Variants in TLL1 observed in about 807,000 individuals in gnomAD.
The protein encoded by TLL1 is tolloid-like protein 1.
In TLL1, 49 loss-of-function variants were observed where a neutral mutation model predicts 128.2. The observed-to-expected ratio is 0.38, with a 90% CI of 0.30 to 0.48. The LOEUF (loss-of-function observed/expected upper bound fraction) is 0.48, where lower values mean the gene tolerates loss of function less well. Ranked by LOEUF, TLL1 falls within the 20% of genes least tolerant of loss-of-function variation. TLL1 has a pLI of 0.96. For missense variants in TLL1, 1,123 were observed against 1,242.0 expected (o/e 0.90, Z 1.44); for synonymous variants, 454 against 418.8 (o/e 1.08, Z -1.03).
chr4:165,978,201 G>T (rs2110991109), intron 1 of TLL1, among the ~76,000 whole-genome samples: 1 of 152,054 alleles, frequency 6.6e-6, no homozygotes, highest in South Asian at 2.1e-4. Flanking sequence ...AAAAAGCTCT[G>T]ATTTTTTTAT....
intron 1 of TLL1, among the ~76,000 whole-genome samples, chr4:165,890,811 C>G (rs969709509): frequency 6.6e-6 from 1 of 152,232 alleles, no homozygotes; most frequent in Non-Finnish European, 1.5e-5. Context: ...TCTCTTCTCA[C>G]AGTTCCACTA....
chr4:165,974,436 G>A (rs1302906433), intron 1 of TLL1, among the ~76,000 whole-genome samples: 1 of 151,936 alleles, frequency 6.6e-6, no homozygotes, highest in Non-Finnish European at 1.5e-5. Flanking sequence ...CACCGCGCCT[G>A]GCCTCATCTT....
chr4:165,966,468 A>G (rs973765593), intron 1 of TLL1, among the ~76,000 whole-genome samples: 2 of 152,160 alleles, frequency 1.3e-5, no homozygotes, highest in Non-Finnish European at 2.9e-5. Context: ...TAACTTTCCA[A>G]TTAATTCTAA....
At chr4:166,030,981 A>G (rs1260734314) in intron 9 of TLL1, 1 of 967,192 alleles carries the variant, frequency 1.0e-6, no homozygotes, top group East Asian at 1.1e-4. Flanking sequence ...AACATTTTTA[A>G]TGTACGATTT....
intron 1 of TLL1, among the ~76,000 whole-genome samples, chr4:165,959,911 C>G (rs1014181588): frequency 6.6e-6 from 1 of 151,982 alleles, no homozygotes; most frequent in East Asian, 1.9e-4. Flanking sequence ...AATTAATGAT[C>G]AAATATCACA....
At chr4:166,047,010 G>A (rs1739486199) in intron 12 of TLL1, among the ~76,000 whole-genome samples, 1 of 151,834 alleles carries the variant, frequency 6.6e-6, no homozygotes, top group Non-Finnish European at 1.5e-5. Flanking sequence ...TTCAATATGG[G>A]TATTATACAT....
intron 1 of TLL1, among the ~76,000 whole-genome samples, chr4:165,968,960 T>G (rs939974063): frequency 3.3e-5 from 5 of 152,276 alleles, no homozygotes; most frequent in Admixed American, 3.3e-4. Flanking sequence ...TGTTAAGCCT[T>G]GTAGAACCTG....
intron 19 of TLL1, 35 bp from the exon 20 acceptor site, chr4:166,099,242 T>C (rs1432197689): frequency 1.2e-6 from 2 of 1,613,186 alleles, no homozygotes; most frequent in Admixed American, 1.7e-5. Flanking sequence ...TAAAGCTCAT[T>C]GACCTTACTC....
intron 19 of TLL1, among the ~76,000 whole-genome samples, chr4:166,098,268 G>A (rs553316824): frequency 8.5e-4 from 127 of 148,796 alleles, no homozygotes; most frequent in African/African-American, 3.0e-3. Flanking sequence ...CTGGGAGGCA[G>A]AGGTTGCAGA....
chr4:165,964,593 G>A (rs193270172), intron 1 of TLL1, among the ~76,000 whole-genome samples: 9 of 152,214 alleles, frequency 5.9e-5, no homozygotes, highest in Admixed American at 4.6e-4. Context: ...TCCTACCTCC[G>A]AGGGTTGTTG....
rs770570929 is a variant in TLL1, at chr4:166,043,403, C to A, written c.1508C>A (p.Thr503Asn). 5 of 1,614,092 alleles carry A rather than the reference C, an allele frequency of 3.1e-6. No individual in the cohort carries two copies. Among genetic ancestry groups the A allele is most frequent in the Non-Finnish European group, 4.2e-6 (5 of 1,179,956 alleles). The change falls in exon 12 of 21, where the codon ACC (threonine) becomes AAC (asparagine). Residue 503 changes from threonine to asparagine, a missense_variant. Physicochemically the swap from Thr to Asn is moderately conservative, Grantham distance 65. Coordinates refer to ENST00000061240, the MANE Select transcript of TLL1 (RefSeq NM_012464.5). The part of the protein sequence containing the change: ...TVSESYHVGL[T>N]FQSFEIERHD... Reference sequence around the variant, plus strand: ...TCTGAGAGCTACCACGTCGGGCTGACCTTTCAGTCCTTTGAGGTAAAGTCT... The same window carrying A: ...TCTGAGAGCTACCACGTCGGGCTGAACTTTCAGTCCTTTGAGGTAAAGTCT...
intron 1 of TLL1, among the ~76,000 whole-genome samples, chr4:165,934,826 C>T (rs1370659003): frequency 6.6e-6 from 1 of 152,140 alleles, no homozygotes; most frequent in Non-Finnish European, 1.5e-5. Context: ...AAAAAGATAA[C>T]TGTACTATTT....
intron 1 of TLL1, among the ~76,000 whole-genome samples, chr4:165,954,071 A>G (rs17505521): frequency 1.9e-3 from 290 of 152,178 alleles, no homozygotes; most frequent in Non-Finnish European, 3.3e-3. Context: ...TACTTTTATT[A>G]TGTCTTTTTT....
chr4:165,883,831 G>A (rs1177068723), intron 1 of TLL1, among the ~76,000 whole-genome samples: 2 of 152,118 alleles, frequency 1.3e-5, no homozygotes, highest in African/African-American at 2.4e-5. Flanking sequence ...AGAGGCAACC[G>A]ATAGAAACAT....
chr4:166,060,293 T>C lies in TLL1; in HGVS notation c.2007+105T>C, dbSNP rs1157316443. ...AGATGTAGTAAAATAGTATAGACAT[T>C]GTATTCTTTCTTTGTCTTACTGCTC... On this transcript the variant is annotated intron_variant, in intron 15 of 20. Coordinates refer to ENST00000061240, the MANE Select transcript of TLL1 (RefSeq NM_012464.5). 3.2e-6 allele frequency: 4 copies of C among 1,266,202 alleles called. No individual in the cohort carries two copies. In the South Asian group the frequency reaches 5.2e-5, roughly 17 times the overall value. 78.4% of individuals were successfully genotyped at this position (1,266,202 alleles called of 1,614,324 possible).
At chr4:165,916,889 T>C (rs565748655) in intron 1 of TLL1, among the ~76,000 whole-genome samples, 2 of 152,116 alleles carry the variant, frequency 1.3e-5, no homozygotes, top group African/African-American at 4.8e-5. Flanking sequence ...ATAGTATTAT[T>C]AATGATGAAA....
chr4:165,875,223 T>C (rs1730672307), intron 1 of TLL1, among the ~76,000 whole-genome samples: 1 of 152,176 alleles, frequency 6.6e-6, no homozygotes, highest in Non-Finnish European at 1.5e-5. Flanking sequence ...GCGGGGTTGC[T>C]CTGTGACTAG....
At chr4:166,057,963 A>G (rs189826678) in intron 14 of TLL1, among the ~76,000 whole-genome samples, 14 of 152,298 alleles carry the variant, frequency 9.2e-5, no homozygotes, top group South Asian at 4.1e-4. Context: ...AAATAAATGT[A>G]TCTATACTTG....
chr4:165,982,901 C>T (rs1008949589), intron 1 of TLL1, among the ~76,000 whole-genome samples: 3 of 151,664 alleles, frequency 2.0e-5, no homozygotes, highest in African/African-American at 7.3e-5. Context: ...CAATTACAGG[C>T]ATAAGGGAAG....
Sources: allele counts gnomAD v4.1 joint callset (sites outside exome capture counted in the v4.1 genomes callset), GRCh38; gene constraint gnomAD v4.1.1; transcripts MANE v1.5; gene names NCBI Gene and HGNC (gene_info 2026-07-23, HGNC 2026-07-21).